Variants in BDH1 observed in about 807,000 individuals in gnomAD.
BDH1 encodes 3-hydroxybutyrate dehydrogenase 1, also known as D-beta-hydroxybutyrate dehydrogenase, mitochondrial.
In BDH1, 30 loss-of-function variants were observed where a neutral mutation model predicts 33.1. That is an observed-to-expected ratio of 0.91 (90% CI 0.68 to 1.23). BDH1 has a LOEUF of 1.23. Among genes scored for constraint, BDH1 ranks in the 50% most tolerant of loss-of-function variants. The pLI, the probability that BDH1 is intolerant of heterozygous loss-of-function variation, is 0.00. For missense variants in BDH1, 443 were observed against 464.4 expected (o/e 0.95, Z 0.42); for synonymous variants, 190 against 183.6 (o/e 1.03, Z -0.28).
At chr3:197,547,635 C>T (rs895507472) in intron 2 of BDH1, among the ~76,000 whole-genome samples, 2 of 152,276 alleles carry the variant, frequency 1.3e-5, no homozygotes, top group African/African-American at 2.4e-5. Flanking sequence ...ATTCTCAGCA[C>T]AGCAGCCCAA....
At chr3:197,572,275 C>T (rs755898863) in intron 1 of BDH1, among the ~76,000 whole-genome samples, 44 of 152,148 alleles carry the variant, frequency 2.9e-4, no homozygotes, top group Admixed American at 9.2e-4. Flanking sequence ...GTAATCACCC[C>T]AGCACCTTCA....
At chr3:197,524,706 G>A (rs944830450) in intron 5 of BDH1, among the ~76,000 whole-genome samples, 1 of 151,930 alleles carries the variant, frequency 6.6e-6, no homozygotes, top group African/African-American at 2.4e-5. Context: ...GCAATGAGTT[G>A]GGGTGGGGGG....
At chr3:197,524,249 G>C (rs115399406) in intron 5 of BDH1, among the ~76,000 whole-genome samples, 1,876 of 152,340 alleles carry the variant, frequency 0.012, 53 homozygotes, top group African/African-American at 0.042. Context: ...TAGCAGCCAA[G>C]AGTAAAGGGG....
At chr3:197,513,681 A>G (rs1288560493) in intron 7 of BDH1, among the ~76,000 whole-genome samples, 1 of 152,322 alleles carries the variant, frequency 6.6e-6, no homozygotes, top group Non-Finnish European at 1.5e-5. Flanking sequence ...TGTTGCTAGG[A>G]CTTCACCATA....
At chr3:197,544,605 T>C (rs13096090) in intron 3 of BDH1, among the ~76,000 whole-genome samples, 10,425 of 152,210 alleles carry the variant, frequency 0.068, 537 homozygotes, top group Non-Finnish European at 0.099. Flanking sequence ...CCCGCTCTGA[T>C]GGCAGGGGCC....
rs1257408156 is a variant in BDH1, at chr3:197,522,126, C to T, written c.409+514G>A. ...TCCTCGAAGCTGTGGTTCCTGCTCTCCCCTCCTCTTGGAACAACCATATCT... is the reference window on the plus strand; with the variant it reads ...TCCTCGAAGCTGTGGTTCCTGCTCTTCCCTCCTCTTGGAACAACCATATCT... On this transcript the variant is annotated intron_variant, in intron 6 of 7. Coordinates refer to ENST00000392379, the MANE Select transcript of BDH1 (RefSeq NM_203314.3). The surrounding 1 kb of genome is among the most constrained non-coding windows in gnomAD (Gnocchi z 4.8). 2.6e-5 allele frequency among the ~76,000 whole-genome samples: 4 copies of T among 152,328 alleles called. No individual in the cohort carries two copies. Among genetic ancestry groups the T allele is most frequent in the Middle Eastern group, 6.8e-3 (2 of 294 alleles).
chr3:197,540,207 C>A lies in BDH1; in HGVS notation c.83+6154G>T, dbSNP rs566265870. Among the ~76,000 whole-genome samples the A allele has an allele frequency of 4.8e-4, 73 of 152,008 alleles. No homozygotes were observed. The South Asian group carries it at 0.015, about 32-fold the overall frequency. ...CTGGGATTATTATAGGCATGTTCCA[C>A]CACGCCCTGCTAAATTTTGTGTTTT... On this transcript the variant is annotated intron_variant, in intron 3 of 7. Transcript: ENST00000392379.
intron 3 of BDH1, chr3:197,534,131 A>T (rs371233812): frequency 2.0e-5 from 3 of 152,284 alleles, no homozygotes; most frequent in African/African-American, 7.2e-5. Flanking sequence ...GCAAAACTGT[A>T]TTACCATATC....
intron 1 of BDH1, among the ~76,000 whole-genome samples, chr3:197,569,754 C>A (rs1429490702): frequency 6.6e-6 from 1 of 152,194 alleles, no homozygotes; most frequent in Non-Finnish European, 1.5e-5. Context: ...CCATGTGGAA[C>A]TGTGAGTCCA....
At chr3:197,558,515 C>T (rs559060073), upstream of BDH1, among the ~76,000 whole-genome samples, 10 of 152,344 alleles carry the variant, frequency 6.6e-5, no homozygotes, top group African/African-American at 2.2e-4. Flanking sequence ...TCTTTCCCTC[C>T]TTCCCTATTT....
Position 197,511,777 on chromosome 3 carries a change from T to C in BDH1, c.*118A>G, listed in dbSNP as rs1712044055. ...CTCTAGTTAGTGTTAAAACCAGTTA[T>C]GGGTCTTCCTGGCATGGTGGATAAT... is the stretch of plus-strand genomic sequence containing the variant. On this transcript the variant is annotated 3_prime_UTR_variant, in exon 8 of 8. Coordinates refer to ENST00000392379, the MANE Select transcript of BDH1 (RefSeq NM_203314.3). 2 of 1,013,712 alleles carry C rather than the reference T, an allele frequency of 2.0e-6. No individual in the cohort carries two copies. Among genetic ancestry groups the C allele is most frequent in the South Asian group, 1.7e-5 (1 of 59,246 alleles). The allele number at this position is 1,013,712 out of a possible 1,614,324, so 62.8% of individuals were successfully genotyped here.
At chr3:197,564,393 AT>A (rs141025834) in intron 1 of BDH1, among the ~76,000 whole-genome samples, 8,941 of 150,512 alleles carry the variant, frequency 0.059, 771 homozygotes, top group African/African-American at 0.19. Context: ...CTGAGATTAA[AT>A]TTTTTTTTTA....
In BDH1 at chr3:197,511,833, T is replaced by G. The variant is rs936632262; in HGVS notation, c.*62A>C. Reference sequence around the variant, plus strand: ...CGTGGATAATCAAGAGTTGACTATATGGGTTCCTCCCTCCCCTCCCCTTCC... The same window carrying G: ...CGTGGATAATCAAGAGTTGACTATAGGGGTTCCTCCCTCCCCTCCCCTTCC... On this transcript the variant is annotated 3_prime_UTR_variant, in exon 8 of 8. Transcript: ENST00000392379. 4 of 1,451,634 alleles carry G rather than the reference T, an allele frequency of 2.8e-6. No homozygotes were observed. In the African/African-American group the frequency reaches 5.7e-5, roughly 21 times the overall value. 89.9% of individuals were successfully genotyped at this position (1,451,634 alleles called of 1,614,324 possible). A position where few individuals can be genotyped will look rare whatever the true frequency, so the allele number is the denominator to read the frequency against.
rs1711872609 is a variant in BDH1 at position 197,510,655 on chromosome 3, T to TAGGCACCAC, written c.*1239_*1240insGTGGTGCCT. On this transcript the variant is annotated 3_prime_UTR_variant, in exon 8 of 8. Transcript: ENST00000392379. ...GTGTGTGTGTGTGTGTGTGTGTGTGTGTGTGTGTGTGTGTGTACATGTGTG... is the reference window on the plus strand; with the variant it reads ...GTGTGTGTGTGTGTGTGTGTGTGTGTAGGCACCACGTGTGTGTGTGTGTGTACATGTGTG... 1 of 57,818 alleles carries TAGGCACCAC rather than the reference T, an allele frequency of 1.7e-5. No individual in the cohort carries two copies. The allele number at this position is 57,818 out of a possible 1,614,324, so 3.6% of individuals were successfully genotyped here.
At position 197,526,734 on chromosome 3, in the gene BDH1, C is replaced by T. The variant is rs1714133803; in HGVS notation, c.268-3953G>A. ...TGCCCAGGTAGAAGGATAGCCCTCT[C>T]CCGACCAGCTCTCCGTGCTCCGCTC... On this transcript the variant is annotated intron_variant, in intron 5 of 7. Transcript: ENST00000392379. This position sits in a 1 kb window ranked among gnomAD's most constrained non-coding sequence, Gnocchi z 4.7. Among the ~76,000 whole-genome samples the T allele has an allele frequency of 6.6e-6, 1 of 152,184 alleles. No homozygotes were observed. The highest frequency in any genetic ancestry group is 2.4e-5 in the African/African-American group (1 of 41,438).
intron 1 of BDH1, among the ~76,000 whole-genome samples, chr3:197,572,692 G>A (rs1308045063): frequency 6.6e-6 from 1 of 152,112 alleles, no homozygotes; most frequent in Non-Finnish European, 1.5e-5. Flanking sequence ...AGGTATGATT[G>A]TACCACTACA....
Position 197,516,555 on chromosome 3 carries a change from G to A in BDH1, c.410-2139C>T, listed in dbSNP as rs139955762. On this transcript the variant is annotated intron_variant, in intron 6 of 7. Transcript: ENST00000392379. The surrounding 1 kb of genome is among the most constrained non-coding windows in gnomAD (Gnocchi z 4.2). ...ACTTTCCTGTAACATCCCCAAGATCGCCTCCGCACCAGTGGCCCCTCAGTT... is the reference window on the plus strand; with the variant it reads ...ACTTTCCTGTAACATCCCCAAGATCACCTCCGCACCAGTGGCCCCTCAGTT... Among the ~76,000 whole-genome samples the A allele has an allele frequency of 4.8e-4, 73 of 152,024 alleles. No individual in the cohort carries two copies. Among genetic ancestry groups the A allele is most frequent in the Non-Finnish European group, 8.1e-4 (55 of 67,968 alleles).
chr3:197,542,148 G>A (rs1560330856), intron 3 of BDH1, among the ~76,000 whole-genome samples: 1 of 152,344 alleles, frequency 6.6e-6, no homozygotes, highest in East Asian at 1.9e-4. Flanking sequence ...GGCTGGAGGT[G>A]AAGGACTATC....
chr3:197,542,216 G>A (rs2108753840), intron 3 of BDH1, among the ~76,000 whole-genome samples: 1 of 152,302 alleles, frequency 6.6e-6, no homozygotes, highest in Non-Finnish European at 1.5e-5. Context: ...AAAACAAGGA[G>A]CCTGGGCTCC....
Sources: allele counts gnomAD v4.1 joint callset (sites outside exome capture counted in the v4.1 genomes callset), GRCh38; gene constraint gnomAD v4.1.1; non-coding constraint Gnocchi (gnomAD v3.1); transcripts MANE v1.5; gene names NCBI Gene and HGNC (gene_info 2026-07-23, HGNC 2026-07-21).